The following AGBL4 variants were observed in gnomAD, a reference collection of about 807,000 sequenced individuals.
AGBL4 encodes the protein AGBL carboxypeptidase 4, also known as cytosolic carboxypeptidase 6.
AGBL4 carries 58 observed loss-of-function variants against 66.4 expected under a neutral mutation model. The observed-to-expected ratio is 0.87, with a 90% CI of 0.71 to 1.09. AGBL4 has a LOEUF of 1.09. Among genes scored for constraint, AGBL4 ranks in the 50% least tolerant of loss-of-function variants. The pLI is 0.00. For synonymous variants in AGBL4, 234 were observed against 222.9 expected, an observed-to-expected ratio of 1.05 and a Z score of -0.44; for missense variants, 579 against 631.0, an observed-to-expected ratio of 0.92 and a Z score of 0.88.
chr1:49,266,519 G>A (rs934010306), intron 3 of AGBL4, among the ~76,000 whole-genome samples: 10 of 151,848 alleles, frequency 6.6e-5, no homozygotes, highest in Non-Finnish European at 4.4e-5. Flanking sequence ...TAAATAAACA[G>A]TTATGGGTTT....
intron 3 of AGBL4, among the ~76,000 whole-genome samples, chr1:49,271,981 G>C (rs150253717): frequency 8.3e-4 from 127 of 152,298 alleles, no homozygotes; most frequent in African/African-American, 2.9e-3. Flanking sequence ...GTGTACAATG[G>C]ATGTGAGGTC....
chr1:49,713,555 T>G (rs1361496785), intron 2 of AGBL4, among the ~76,000 whole-genome samples: 1 of 152,068 alleles, frequency 6.6e-6, no homozygotes, highest in African/African-American at 2.4e-5. Context: ...ATTGTTTTAT[T>G]CAGTAGCTTT....
At chr1:49,420,024 A>G in intron 3 of AGBL4, among the ~76,000 whole-genome samples, 1 of 152,214 alleles carries the variant, frequency 6.6e-6, no homozygotes, top group East Asian at 1.9e-4. Flanking sequence ...CAGGATGCCT[A>G]CTGATTTATA....
At chr1:50,006,049 A>G (rs1661101697) in intron 1 of AGBL4, among the ~76,000 whole-genome samples, 1 of 152,236 alleles carries the variant, frequency 6.6e-6, no homozygotes, top group Non-Finnish European at 1.5e-5. Context: ...GCCTTAAAAA[A>G]GAGGCAGAGG....
intron 3 of AGBL4, among the ~76,000 whole-genome samples, chr1:49,330,468 G>C (rs1645310197): frequency 6.6e-6 from 1 of 152,112 alleles, no homozygotes; most frequent in African/African-American, 2.4e-5. Flanking sequence ...AAAATCCCAT[G>C]ACATAAAAGC....
chr1:48,552,525 T>C (rs992951764), intron 11 of AGBL4, among the ~76,000 whole-genome samples: 2 of 152,230 alleles, frequency 1.3e-5, no homozygotes, highest in Non-Finnish European at 2.9e-5. Flanking sequence ...CCAGGTACTA[T>C]TGACATGTTT....
chr1:49,574,671 A>G (rs1644399856), intron 3 of AGBL4, among the ~76,000 whole-genome samples: 1 of 152,074 alleles, frequency 6.6e-6, no homozygotes, highest in Admixed American at 6.5e-5. Flanking sequence ...TTTAAATACA[A>G]TGGGAATAAT....
intron 1 of AGBL4, among the ~76,000 whole-genome samples, chr1:49,928,016 C>CA (rs1652964564): frequency 6.6e-6 from 1 of 151,774 alleles, no homozygotes; most frequent in Non-Finnish European, 1.5e-5. Context: ...TGGGAATGTA[C>CA]AAAAGTTCAA....
At chr1:49,974,250 A>C (rs530077398) in intron 1 of AGBL4, among the ~76,000 whole-genome samples, 2 of 152,270 alleles carry the variant, frequency 1.3e-5, no homozygotes, top group South Asian at 2.1e-4. Flanking sequence ...GTGAGAAAAA[A>C]TGAGAGTGAT....
chr1:48,872,127 G>A (rs1648737649), intron 5 of AGBL4, among the ~76,000 whole-genome samples: 1 of 151,978 alleles, frequency 6.6e-6, no homozygotes, highest in South Asian at 2.1e-4. Context: ...CAAGAACTGG[G>A]AATATTTCCA....
At chr1:48,753,580 G>A (rs917866027) in intron 6 of AGBL4, among the ~76,000 whole-genome samples, 3 of 152,210 alleles carry the variant, frequency 2.0e-5, no homozygotes, top group African/African-American at 7.2e-5. Flanking sequence ...AGAGGTATTA[G>A]TGATCCAGCT....
At chr1:49,739,742 A>G in intron 2 of AGBL4, among the ~76,000 whole-genome samples, 1 of 152,240 alleles carries the variant, frequency 6.6e-6, no homozygotes, top group Admixed American at 6.5e-5. Context: ...AGTGGGGGCC[A>G]ATATTCAACA....
intron 2 of AGBL4, among the ~76,000 whole-genome samples, chr1:49,799,355 G>T (rs1380475587): frequency 6.6e-6 from 1 of 152,146 alleles, no homozygotes; most frequent in Non-Finnish European, 1.5e-5. Flanking sequence ...CAGAATTGAA[G>T]TCCAACAGTT....
At chr1:48,766,143 G>C (rs1325637487) in intron 6 of AGBL4, among the ~76,000 whole-genome samples, 2 of 152,152 alleles carry the variant, frequency 1.3e-5, no homozygotes, top group East Asian at 3.8e-4. Flanking sequence ...CTACATGTCA[G>C]ATACCTCTAT....
At chr1:49,178,869 G>A (rs1646877807) in intron 4 of AGBL4, among the ~76,000 whole-genome samples, 1 of 152,146 alleles carries the variant, frequency 6.6e-6, no homozygotes, top group Non-Finnish European at 1.5e-5. Flanking sequence ...CACTAAAGTA[G>A]GTAAAGATTC....
chr1:48,620,331 C>T (rs1260476281), intron 9 of AGBL4, among the ~76,000 whole-genome samples: 1 of 152,184 alleles, frequency 6.6e-6, no homozygotes, highest in Admixed American at 6.5e-5. Flanking sequence ...AGTTCAGTGG[C>T]ATGATCATAG....
At chr1:49,810,232 C>T (rs988766064) in intron 2 of AGBL4, among the ~76,000 whole-genome samples, 34 of 152,038 alleles carry the variant, frequency 2.2e-4, no homozygotes, top group African/African-American at 7.7e-4. Flanking sequence ...CTGTGGGACT[C>T]CAGAGTGCCC....
At chr1:49,650,919 T>C (rs901333732) in intron 3 of AGBL4, among the ~76,000 whole-genome samples, 1 of 152,152 alleles carries the variant, frequency 6.6e-6, no homozygotes, top group Non-Finnish European at 1.5e-5. Flanking sequence ...GGAAACAGCA[T>C]TTCCAGCACT....
chr1:48,997,233 T>A (rs1178915087), intron 5 of AGBL4, among the ~76,000 whole-genome samples: 1 of 152,112 alleles, frequency 6.6e-6, no homozygotes, highest in East Asian at 1.9e-4. Context: ...CAGAAAGTGA[T>A]AAATTTAAGA....
Sources: gnomAD v4.1 joint callset for allele counts (sites outside exome capture counted in the v4.1 genomes callset) on GRCh38, gnomAD v4.1.1 for gene constraint, MANE v1.5 for transcripts, NCBI Gene and HGNC (gene_info 2026-07-23, HGNC 2026-07-21) for gene names.